The following C8orf34 variants were observed in gnomAD, a reference collection of about 807,000 sequenced individuals.
C8orf34 encodes uncharacterized protein C8orf34.
In C8orf34, 65 loss-of-function variants were observed where a neutral mutation model predicts 68.3. The observed-to-expected ratio is 0.95, with a 90% CI of 0.78 to 1.17. C8orf34 has a LOEUF of 1.17. C8orf34 is among the 50% of genes most tolerant of loss of function. The pLI is 0.00. For missense variants in C8orf34, 664 were observed against 655.4 expected (o/e 1.01, Z -0.14); for synonymous variants, 244 against 241.2 (o/e 1.01, Z -0.11).
At chr8:68,418,205 G>C (rs1473934785) in intron 1 of C8orf34, among the ~76,000 whole-genome samples, 2 of 141,314 alleles carry the variant, frequency 1.4e-5, no homozygotes, top group Admixed American at 7.1e-5. Context: ...CTGAGACAAT[G>C]GGGTTTTCTA....
chr8:68,603,521 A>ATATCTATC (rs10542466), intron 7 of C8orf34, among the ~76,000 whole-genome samples: 7,521 of 140,412 alleles, frequency 0.054, 253 homozygotes, highest in East Asian at 0.067. Context: ...ATATATACAT[A>ATATCTATC]TATCTATCTA....
intron 7 of C8orf34, among the ~76,000 whole-genome samples, chr8:68,611,559 A>G (rs1224458225): frequency 1.3e-5 from 2 of 152,176 alleles, no homozygotes; most frequent in Non-Finnish European, 2.9e-5. Context: ...TTTAAGTCAG[A>G]TAGGAAGAAA....
intron 8 of C8orf34, among the ~76,000 whole-genome samples, chr8:68,657,514 A>G (rs1430413093): frequency 1.3e-5 from 2 of 152,194 alleles, no homozygotes; most frequent in East Asian, 3.9e-4. Context: ...ACTGTGAGCA[A>G]TAAATTTCTG....
chr8:68,722,927 A>G (rs1176498051), intron 10 of C8orf34, among the ~76,000 whole-genome samples: 1 of 152,054 alleles, frequency 6.6e-6, no homozygotes. Flanking sequence ...CCAGTTCAGC[A>G]TTTCCCATCT....
chr8:68,434,157 G>A (rs1586133022), intron 1 of C8orf34, among the ~76,000 whole-genome samples: 2 of 152,060 alleles, frequency 1.3e-5, no homozygotes, highest in Middle Eastern at 3.4e-3. Context: ...TTTAAGTTCT[G>A]GGGTACATGT....
intron 1 of C8orf34, among the ~76,000 whole-genome samples, chr8:68,408,460 G>T (rs1009556074): frequency 2.0e-5 from 3 of 152,094 alleles, no homozygotes; most frequent in African/African-American, 7.2e-5. Context: ...GTGCCAAAAA[G>T]GTTGGGGACT....
intron 12 of C8orf34, among the ~76,000 whole-genome samples, chr8:68,792,878 A>AGT (rs1374210031): frequency 6.6e-6 from 1 of 151,352 alleles, no homozygotes; most frequent in African/African-American, 2.4e-5. Context: ...TGTGTGTATG[A>AGT]GTGTGTGTGT....
At chr8:68,465,657 C>T (rs1218872945) in intron 3 of C8orf34, among the ~76,000 whole-genome samples, 211 of 151,252 alleles carry the variant, frequency 1.4e-3, no homozygotes, top group African/African-American at 2.7e-3. Context: ...TGTAGGGACA[C>T]GGATGAAATT....
chr8:68,794,784 C>A (rs901950997), intron 12 of C8orf34, among the ~76,000 whole-genome samples: 3 of 151,796 alleles, frequency 2.0e-5, no homozygotes, highest in African/African-American at 7.3e-5. Flanking sequence ...ACATGCCTAG[C>A]CAGATTTTGG....
At chr8:68,605,933 A>T (rs1468150211) in intron 7 of C8orf34, among the ~76,000 whole-genome samples, 4 of 152,036 alleles carry the variant, frequency 2.6e-5, no homozygotes, top group Non-Finnish European at 4.4e-5. Context: ...CCCCTGGGGG[A>T]TGTTGATAAT....
chr8:68,695,128 C>G (rs1337845799), intron 8 of C8orf34, among the ~76,000 whole-genome samples: 2 of 150,800 alleles, frequency 1.3e-5, no homozygotes, highest in Non-Finnish European at 3.0e-5. Context: ...AAGAATTACT[C>G]AATTAGCAAC....
intron 7 of C8orf34, among the ~76,000 whole-genome samples, chr8:68,609,455 G>A (rs1050083558): frequency 6.6e-5 from 10 of 152,108 alleles, no homozygotes; most frequent in Admixed American, 6.6e-4. Context: ...CTTCATGAAA[G>A]AGAATTCACA....
chr8:68,614,481 G>A (rs980366912), intron 7 of C8orf34, among the ~76,000 whole-genome samples: 1 of 152,126 alleles, frequency 6.6e-6, no homozygotes, highest in African/African-American at 2.4e-5. Context: ...GTATAAGGAA[G>A]GGATCCAGTT....
At chr8:68,438,625 A>G (rs1810765339) in intron 1 of C8orf34, 1 of 152,198 alleles carries the variant, frequency 6.6e-6, no homozygotes, top group Non-Finnish European at 1.5e-5. Flanking sequence ...ATGAAATGTG[A>G]CTGATATGAA....
chr8:68,417,869 G>A (rs866229439), intron 1 of C8orf34, among the ~76,000 whole-genome samples: 132 of 151,784 alleles, frequency 8.7e-4, no homozygotes, highest in Middle Eastern at 6.8e-3. Flanking sequence ...CATTGAATCT[G>A]TAAATTACCT....
chr8:68,457,970 G>A (rs1437087755), intron 3 of C8orf34, among the ~76,000 whole-genome samples: 2 of 151,540 alleles, frequency 1.3e-5, no homozygotes, highest in African/African-American at 2.4e-5. Flanking sequence ...ATCCAAAGAC[G>A]GCATACCAGA....
At chr8:68,366,620 T>C (rs75246145) in intron 1 of C8orf34, among the ~76,000 whole-genome samples, 1 of 151,534 alleles carries the variant, frequency 6.6e-6, no homozygotes, top group East Asian at 2.0e-4. Context: ...TGATCTTTGA[T>C]AAACCTGAGA....
intron 11 of C8orf34, among the ~76,000 whole-genome samples, chr8:68,777,509 A>C (rs1823554697): frequency 6.6e-6 from 1 of 152,236 alleles, no homozygotes; most frequent in Non-Finnish European, 1.5e-5. Context: ...TTTCACTTAA[A>C]GTACTTAAAG....
At chr8:68,733,681 T>G (rs1176367214) in intron 10 of C8orf34, among the ~76,000 whole-genome samples, 1 of 152,204 alleles carries the variant, frequency 6.6e-6, no homozygotes, top group East Asian at 1.9e-4. Context: ...TTATTTAGTT[T>G]GCTTATACAG....
Sources: gnomAD v4.1 joint callset for allele counts (sites outside exome capture counted in the v4.1 genomes callset) on GRCh38, gnomAD v4.1.1 for gene constraint, MANE v1.5 for transcripts, NCBI Gene and HGNC (gene_info 2026-07-23, HGNC 2026-07-21) for gene names.